The following PCDHA6 variants were observed in gnomAD, a reference collection of about 807,000 sequenced individuals.
PCDHA6 encodes the protein protocadherin alpha-6.
Under a neutral mutation model 60.3 loss-of-function variants are expected in PCDHA6, and 55 were observed. That is an observed-to-expected ratio of 0.91 (90% CI 0.73 to 1.14). The LOEUF is 1.14. Among genes scored for constraint, PCDHA6 ranks in the 50% most tolerant of loss-of-function variants. The probability of loss-of-function intolerance (pLI) is 0.00; values close to 1 mark genes in which losing one functional copy is unlikely to be tolerated. For missense variants in PCDHA6, 1,327 were observed against 1,256.5 expected, an observed-to-expected ratio of 1.06 and a Z score of -0.85; for synonymous variants, 652 against 557.9, an observed-to-expected ratio of 1.17 and a Z score of -2.38.
At chr5:140,836,263 A>G in intron 1 of PCDHA6, 1 of 1,613,768 alleles carries the variant, frequency 6.2e-7, no homozygotes, top group Non-Finnish European at 8.5e-7. Context: ...GTGGGGCTGT[A>G]CACTGGTGAG....
At chr5:140,958,510 G>A (rs1476919397) in intron 1 of PCDHA6, among the ~76,000 whole-genome samples, 1 of 152,114 alleles carries the variant, frequency 6.6e-6, no homozygotes, top group Non-Finnish European at 1.5e-5. Flanking sequence ...AGGCATGGCT[G>A]TCCAATATAT....
intron 1 of PCDHA6, among the ~76,000 whole-genome samples, chr5:140,932,822 A>G (rs1191525374): frequency 6.6e-6 from 1 of 151,946 alleles, no homozygotes; most frequent in Non-Finnish European, 1.5e-5. Context: ...ATAAGTGGGA[A>G]AGTATTGACA....
rs75377875 is a variant in PCDHA6 at position 140,902,598 on chromosome 5, C to T, written c.2394+72113C>T. The stretch of plus-strand genomic sequence containing the variant: ...ATTTCAATAGTTTTGGGAAACAGGT[C>T]GTTTTCAGTTACATGGGTAAGTTAT... On this transcript the variant is annotated intron_variant, in intron 1 of 3. Coordinates refer to ENST00000529310, the MANE Select transcript of PCDHA6 (RefSeq NM_018909.4). Among the ~76,000 whole-genome samples, 274 of 152,044 alleles carry T rather than the reference C, an allele frequency of 1.8e-3. 4 individuals are homozygous for T. In the East Asian group the frequency reaches 0.048, roughly 27 times the overall value.
chr5:141,010,129 G>A lies in PCDHA6; in HGVS notation c.*192G>A, dbSNP rs781919488. The A allele has an allele frequency of 3.7e-6, 6 of 1,601,792 alleles. No individual in the cohort carries two copies. The highest frequency in any genetic ancestry group is 5.1e-6 in the Non-Finnish European group (6 of 1,173,386). On this transcript the variant is annotated 3_prime_UTR_variant, in exon 4 of 4. Coordinates refer to ENST00000529310, the MANE Select transcript of PCDHA6 (RefSeq NM_018909.4). Reference sequence around the variant, plus strand: ...TGTCGTAAAAGCTTTACTAAGTCTGGTGTTAACTCTTTCTCTCCACTCTGG... The same window carrying A: ...TGTCGTAAAAGCTTTACTAAGTCTGATGTTAACTCTTTCTCTCCACTCTGG...
intron 1 of PCDHA6, among the ~76,000 whole-genome samples, chr5:140,855,328 G>C (rs1554147750): frequency 6.7e-6 from 1 of 149,766 alleles, no homozygotes; most frequent in East Asian, 1.9e-4. Context: ...GGAGGGAGAG[G>C]TTAAACGATT....
chr5:140,837,615 C>CCCTTCCTT (rs528339826), intron 1 of PCDHA6, among the ~76,000 whole-genome samples: 3 of 145,806 alleles, frequency 2.1e-5, no homozygotes, highest in Admixed American at 6.9e-5. Context: ...TATAATTTGC[C>CCCTTCCTT]CCTTCCTTCC....
At chr5:140,914,030 G>T (rs2076568173) in intron 1 of PCDHA6, among the ~76,000 whole-genome samples, 1 of 152,298 alleles carries the variant, frequency 6.6e-6, no homozygotes, top group East Asian at 1.9e-4. Flanking sequence ...CACGTGCTGA[G>T]AAGAATGTGT....
chr5:140,881,310 G>A (rs782291557), intron 1 of PCDHA6: 31 of 977,830 alleles, frequency 3.2e-5, no homozygotes, highest in Non-Finnish European at 3.6e-5. Flanking sequence ...TAACCTCCTG[G>A]TTAAATTCTA....
intron 1 of PCDHA6, chr5:140,836,109 G>C (rs2150253080): frequency 6.2e-7 from 1 of 1,613,728 alleles, no homozygotes; most frequent in Non-Finnish European, 8.5e-7. Flanking sequence ...CACTGGTGGC[G>C]CAGTGAGAGA....
intron 1 of PCDHA6, chr5:140,967,118 C>T: frequency 6.2e-7 from 1 of 1,612,940 alleles, no homozygotes; most frequent in Non-Finnish European, 8.5e-7. Context: ...GCCTCGCTGC[C>T]TGCTCAGCTT....
intron 1 of PCDHA6, chr5:140,883,657 C>T: frequency 1.2e-6 from 2 of 1,613,594 alleles, no homozygotes; most frequent in Non-Finnish European, 1.7e-6. Context: ...ACACGGTGTT[C>T]GTGAAGGAAA....
At chr5:140,861,327 T>C (rs1363614329) in intron 1 of PCDHA6, 2 of 243,212 alleles carry the variant, frequency 8.2e-6, no homozygotes, top group Middle Eastern at 1.5e-3. Flanking sequence ...CACTACACCA[T>C]CCTGGAAGAG....
At chr5:140,849,302 A>T in intron 1 of PCDHA6, 3 of 1,281,278 alleles carry the variant, frequency 2.3e-6, no homozygotes, top group Non-Finnish European at 3.2e-6. Context: ...CCTCAGATTT[A>T]GACGAAGGCT....
intron 1 of PCDHA6, among the ~76,000 whole-genome samples, chr5:140,910,929 A>G (rs2075237197): frequency 6.6e-6 from 1 of 152,176 alleles, no homozygotes; most frequent in Admixed American, 6.5e-5. Flanking sequence ...TATAAATAAG[A>G]AAGCTCAAGC....
chr5:140,923,832 T>C (rs1584323997), intron 1 of PCDHA6, among the ~76,000 whole-genome samples: 1 of 152,306 alleles, frequency 6.6e-6, no homozygotes, highest in East Asian at 1.9e-4. Context: ...TCAGTGGCAG[T>C]TTAAATAGAG....
Position 140,856,070 on chromosome 5 carries a change from C to T in PCDHA6, c.2394+25585C>T. 3.1e-6 allele frequency: 5 copies of T among 1,591,758 alleles called. 1 individual carries two copies. Among genetic ancestry groups the T allele is most frequent in the Non-Finnish European group, 4.3e-6 (5 of 1,163,604 alleles). On this transcript the variant is annotated intron_variant, in intron 1 of 3. Coordinates refer to ENST00000529310, the MANE Select transcript of PCDHA6 (RefSeq NM_018909.4). ...TAAGATGGTTTCCAGATGTAGCTGC[C>T]TGGGGGTCCAGTGTCTGCTGCTCTC...
rs200436467 is a variant in PCDHA6 at position 140,883,790 on chromosome 5, G to A, written c.2394+53305G>A. 640 of 1,612,406 alleles carry A rather than the reference G, an allele frequency of 4.0e-4. No individual in the cohort carries two copies. The highest frequency in any genetic ancestry group is 5.2e-4 in the Non-Finnish European group (616 of 1,179,760). ...GGGCGAGCGTGCGCTGTCGAGCTAC[G>A]TGTCGGTGCACGCGGAGAGCGGCAA... is the stretch of plus-strand genomic sequence containing the variant. On this transcript the variant is annotated intron_variant, in intron 1 of 3. Transcript: ENST00000529310.
rs868991744 is a variant in PCDHA6, at chr5:140,897,794, G to C, written c.2394+67309G>C. ...CTTCCACAATGGTTGAACTAGTTTA[G>C]AGTCCCACCAACAGTGTAAAAGTGT... On this transcript the variant is annotated intron_variant, in intron 1 of 3. Coordinates refer to ENST00000529310, the MANE Select transcript of PCDHA6 (RefSeq NM_018909.4). 7.2e-4 allele frequency among the ~76,000 whole-genome samples: 109 copies of C among 152,066 alleles called. No homozygotes were observed. The South Asian group carries it at 0.011, about 15-fold the overall frequency.
chr5:140,893,583 T>G (rs535910), intron 1 of PCDHA6, among the ~76,000 whole-genome samples: 7,078 of 152,294 alleles, frequency 0.046, 293 homozygotes, highest in African/African-American at 0.11. Context: ...TTTGCTTGTT[T>G]GGGAAATACT....
Sources: gnomAD v4.1 joint callset for allele counts (sites outside exome capture counted in the v4.1 genomes callset) on GRCh38, gnomAD v4.1.1 for gene constraint, MANE v1.5 for transcripts, NCBI Gene and HGNC (gene_info 2026-07-23, HGNC 2026-07-21) for gene names.